Variants in USP22 observed in about 807,000 individuals in gnomAD.
USP22 encodes ubiquitin carboxyl-terminal hydrolase 22.
USP22 carries 22 observed loss-of-function variants against 68.1 expected under a neutral mutation model. The observed-to-expected ratio is 0.32, with a 90% CI of 0.23 to 0.46. The LOEUF is 0.46. Among genes scored for constraint, USP22 ranks in the 20% least tolerant of loss-of-function variants. The pLI, the probability that USP22 is intolerant of heterozygous loss-of-function variation, is 1.00. For missense variants in USP22, 433 were observed against 695.8 expected (o/e 0.62, Z 4.25); for synonymous variants, 279 against 274.2 (o/e 1.02, Z -0.17).
At chr17:21,036,975 A>G (rs1322793742) in intron 1 of USP22, among the ~76,000 whole-genome samples, 1 of 152,210 alleles carries the variant, frequency 6.6e-6, no homozygotes, top group Non-Finnish European at 1.5e-5. Context: ...CAGAAAACAC[A>G]TAAGATGATC....
chr17:21,002,281 G>A lies in USP22; in HGVS notation c.*750C>T, dbSNP rs1913610810. On this transcript the variant is annotated 3_prime_UTR_variant, in exon 13 of 13. Coordinates refer to ENST00000261497, the MANE Select transcript of USP22 (RefSeq NM_015276.2). ...AGCAAGACTCGCTCTTGAGACTAAA[G>A]GAGAAGTTACCTAAATTTCTGTATA... 1 of 152,184 alleles carries A rather than the reference G, an allele frequency of 6.6e-6. No homozygotes were observed. Among genetic ancestry groups the A allele is most frequent in the Non-Finnish European group, 1.5e-5 (1 of 68,044 alleles). 9.4% of individuals were successfully genotyped at this position (152,184 alleles called of 1,614,324 possible).
Position 21,008,008 on chromosome 17 carries a change from CA to C in USP22, c.1104-13del, listed in dbSNP as rs1219072064. The C allele has an allele frequency of 6.2e-7, 1 of 1,608,350 alleles. No homozygotes were observed. Among genetic ancestry groups the C allele is most frequent in the Non-Finnish European group, 8.5e-7 (1 of 1,177,982 alleles). On this transcript the variant is annotated splice_polypyrimidine_tract_variant and intron_variant, in intron 8 of 12. Coordinates refer to ENST00000261497, the MANE Select transcript of USP22 (RefSeq NM_015276.2). ...CTGGTCTGGTGAATCTACAGGCGTT[CA>C]AAAAAGACAGGAGCGGTAAGGGAGA...
intron 2 of USP22, among the ~76,000 whole-genome samples, chr17:21,021,885 AG>A (rs1479415512): frequency 1.3e-5 from 2 of 152,166 alleles, no homozygotes; most frequent in African/African-American, 2.4e-5. Flanking sequence ...AGATCATTTG[AG>A]GCCAGGAGTT....
At chr17:21,011,433 G>A (rs1326370988) in intron 7 of USP22, 124 bp from the exon 8 acceptor site, 2 of 1,275,040 alleles carry the variant, frequency 1.6e-6, no homozygotes, top group Non-Finnish European at 1.1e-6. Flanking sequence ...TGACACTCAG[G>A]TGGGATGGGG....
intron 2 of USP22, among the ~76,000 whole-genome samples, chr17:21,024,095 C>G (rs1972191365): frequency 6.6e-6 from 1 of 152,154 alleles, no homozygotes; most frequent in African/African-American, 2.4e-5. Context: ...TCACAAAATG[C>G]CAACAACGAT....
At chr17:21,037,058 G>A (rs910285117) in intron 1 of USP22, among the ~76,000 whole-genome samples, 2 of 152,236 alleles carry the variant, frequency 1.3e-5, no homozygotes, top group South Asian at 4.1e-4. Flanking sequence ...GTGGCTATGT[G>A]AAAGGGACAC....
rs1374969192 is a variant in USP22 at position 21,000,593 on chromosome 17, G to A, written c.*2438C>T. On this transcript the variant is annotated 3_prime_UTR_variant, in exon 13 of 13. Transcript: ENST00000261497. ...CTAGGGGTTGGCCGGCGGGAGGGGA[G>A]GCAGGGTCTGGCCAAACCCAGGCAG... 1 of 152,264 alleles carries A rather than the reference G, an allele frequency of 6.6e-6. No individual in the cohort carries two copies. The highest frequency in any genetic ancestry group is 1.9e-4 in the East Asian group (1 of 5,194). 9.4% of individuals were successfully genotyped at this position (152,264 alleles called of 1,614,324 possible).
chr17:21,027,496 C>T (rs1333714177), intron 2 of USP22, among the ~76,000 whole-genome samples: 2 of 151,812 alleles, frequency 1.3e-5, no homozygotes, highest in African/African-American at 4.8e-5. Flanking sequence ...AACTTCAGGG[C>T]GGGAAAGCCT....
At chr17:21,023,151 G>A (rs902747681) in intron 2 of USP22, among the ~76,000 whole-genome samples, 3 of 152,092 alleles carry the variant, frequency 2.0e-5, no homozygotes, top group Non-Finnish European at 4.4e-5. Context: ...CACAAGAGGA[G>A]AACAACAGAC....
At chr17:21,027,287 G>C (rs1972233009) in intron 2 of USP22, among the ~76,000 whole-genome samples, 1 of 11,510 alleles carries the variant, frequency 8.7e-5, no homozygotes, top group African/African-American at 2.6e-4. Context: ...GCGAGACCCT[G>C]TCTCCAAAAA....
At position 21,042,644 on chromosome 17, in the gene USP22, G is replaced by A. The variant is rs191497340; in HGVS notation, c.171+21C>T. On this transcript the variant is annotated intron_variant, in intron 1 of 12. Coordinates refer to ENST00000261497, the MANE Select transcript of USP22 (RefSeq NM_015276.2). ...CGGCAGAAGGCCCCGAGCCCGCCGC[G>A]CGGTGGGCTGCCGGGCGCACCTTGC... 4.2e-4 allele frequency: 529 copies of A among 1,260,274 alleles called. 3 individuals are homozygous for A. The African/African-American group carries it at 7.7e-3, about 18-fold the overall frequency. The allele number at this position is 1,260,274 out of a possible 1,614,324, so 78.1% of individuals were successfully genotyped here. A position where few individuals can be genotyped will look rare whatever the true frequency, so the allele number is the denominator to read the frequency against.
Position 21,004,778 on chromosome 17 carries a change from TG to T in USP22, c.1385+149del. On this transcript the variant is annotated intron_variant, in intron 11 of 12. Coordinates refer to ENST00000261497, the MANE Select transcript of USP22 (RefSeq NM_015276.2). ...GTGGAGCGGCCTTTCCTAGTGGAGC[TG>T]CGGGCAGCCAATAGTGGAGCTGCGG... 6 of 86,516 alleles carry T rather than the reference TG, an allele frequency of 6.9e-5. 2 individuals are homozygous for T. The highest frequency in any genetic ancestry group is 1.9e-4 in the Admixed American group (1 of 5,158). 5.4% of individuals were successfully genotyped at this position (86,516 alleles called of 1,614,324 possible). A position where few individuals can be genotyped will look rare whatever the true frequency, so the allele number is the denominator to read the frequency against.
At chr17:21,021,018 C>G in intron 3 of USP22, 95 bp downstream of exon 3, 1 of 995,890 alleles carries the variant, frequency 1.0e-6, no homozygotes, top group Non-Finnish European at 1.6e-6. Flanking sequence ...CCTGCCACTT[C>G]CCACCTAGGT....
intron 11 of USP22, 92 bp from the exon 12 acceptor site, chr17:21,004,443 G>A: frequency 6.6e-7 from 1 of 1,519,622 alleles, no homozygotes; most frequent in Non-Finnish European, 9.0e-7. Flanking sequence ...CCCAGGCAGG[G>A]AGCGGGAGGC....
chr17:21,015,550 TTAAAAA>T (rs1360454123), intron 6 of USP22, 196 bp downstream of exon 6: 1 of 697,672 alleles, frequency 1.4e-6, no homozygotes, highest in African/African-American at 1.9e-5. Context: ...TCCTCGCCTC[TTAAAAA>T]TAAACTAGGA....
At chr17:21,024,130 G>A (rs112447987) in intron 2 of USP22, among the ~76,000 whole-genome samples, 1,575 of 152,234 alleles carry the variant, frequency 0.01, 27 homozygotes, top group African/African-American at 0.036. Flanking sequence ...GGGAGCTGTC[G>A]CAGAGCTCAG....
intron 1 of USP22, among the ~76,000 whole-genome samples, chr17:21,035,645 T>C (rs1972344156): frequency 1.3e-5 from 2 of 151,886 alleles, no homozygotes; most frequent in Non-Finnish European, 1.5e-5. Flanking sequence ...AGCAAAAAAC[T>C]GTAAGAAAGG....
chr17:21,011,611 G>A, intron 7 of USP22: 2 of 351,376 alleles, frequency 5.7e-6, no homozygotes, highest in Non-Finnish European at 1.1e-5. Context: ...ATAAACTCAT[G>A]GGCCCTGTCA....
At position 21,004,349 on chromosome 17, in the gene USP22, TA is replaced by T; in HGVS notation, c.1387del (p.Tyr463IlefsTer136). The T allele has an allele frequency of 6.2e-7, 1 of 1,614,070 alleles. No individual in the cohort carries two copies. The highest frequency in any genetic ancestry group is 8.5e-7 in the Non-Finnish European group (1 of 1,179,936). ...ATGGTTAACAACAGCAAACAGGGAA[TA>T]CCTAGTGCAGGAGCAAAGGAGAGGG... ...PTDSLNNDNK[Y>X]SLFAVVNHQG... On this transcript the variant is annotated frameshift_variant and splice_region_variant, in exon 12 of 13. Transcript: ENST00000261497. LOFTEE classifies it high-confidence loss of function.
Sources: allele counts gnomAD v4.1 joint callset (sites outside exome capture counted in the v4.1 genomes callset), GRCh38; gene constraint gnomAD v4.1.1; transcripts MANE v1.5; gene names NCBI Gene and HGNC (gene_info 2026-07-23, HGNC 2026-07-21).